NOSIP: variants seen among roughly 807,000 people sequenced by gnomAD.
The protein encoded by NOSIP is nitric oxide synthase interacting protein, also known as nitric oxide synthase-interacting protein.
NOSIP carries 25 observed loss-of-function variants against 36.4 expected under a neutral mutation model. The observed-to-expected ratio is 0.69, with a 90% CI of 0.50 to 0.96. NOSIP has a LOEUF of 0.96. NOSIP is among the 40% of genes least tolerant of loss of function. The pLI is 0.00. For missense variants in NOSIP, 370 were observed against 429.0 expected (o/e 0.86, Z 1.21); for synonymous variants, 187 against 179.2 (o/e 1.04, Z -0.35).
Position 49,555,842 on chromosome 19 carries a change from G to A in NOSIP, c.835-20C>T. 6.2e-7 allele frequency: 1 copy of A among 1,607,152 alleles called. No individual in the cohort carries two copies. Among genetic ancestry groups the A allele is most frequent in the Non-Finnish European group, 8.5e-7 (1 of 1,174,468 alleles). On this transcript the variant is annotated intron_variant, in intron 8 of 8. Transcript: ENST00000596358. ...ACCGCCCTGGGGGAGGTAGAGAGAA[G>A]GACGAGGTAGAGGCCGGCCCGGGGG...
At chr19:49,567,223 C>T (rs1211690804) in intron 1 of NOSIP, among the ~76,000 whole-genome samples, 3 of 148,772 alleles carry the variant, frequency 2.0e-5, no homozygotes, top group South Asian at 2.2e-4. Context: ...CCCGGGTTCA[C>T]GCCATTCTCC....
At chr19:49,575,839 G>A (rs964585990) in intron 1 of NOSIP, among the ~76,000 whole-genome samples, 3 of 152,056 alleles carry the variant, frequency 2.0e-5, no homozygotes. Flanking sequence ...ATGTAAAAAC[G>A]TTAAAAACCA....
At position 49,558,927 on chromosome 19, in the gene NOSIP, G is replaced by A; in HGVS notation, c.228C>T (p.His76=). The stretch of plus-strand genomic sequence containing the variant: ...TCTGCCGGGCAATCTCCTTCTTCTG[G>A]TGCAGAATGTACTCCAGGATGGCCT... ...EREAILEYIL[H]QKKEIARQMK... Residue 76 remains histidine (H), a synonymous_variant, in exon 4 of 9, where the codon CAC becomes CAT. Coordinates refer to ENST00000596358, the MANE Select transcript of NOSIP (RefSeq NM_001270960.2). 2 of 1,614,074 alleles carry A rather than the reference G, an allele frequency of 1.2e-6. No homozygotes were observed. The highest frequency in any genetic ancestry group is 4.5e-5 in the East Asian group (2 of 44,880).
At chr19:49,577,434 G>A (rs1369712567) in intron 1 of NOSIP, among the ~76,000 whole-genome samples, 1 of 152,146 alleles carries the variant, frequency 6.6e-6, no homozygotes, top group South Asian at 2.1e-4. Context: ...GCGCATGCCT[G>A]TAGCCCCAGC....
intron 1 of NOSIP, among the ~76,000 whole-genome samples, chr19:49,573,817 T>TG (rs2080516937): frequency 6.6e-6 from 1 of 151,358 alleles, no homozygotes; most frequent in African/African-American, 2.4e-5. Context: ...TATGTATGTA[T>TG]TTATTTTGGA....
intron 1 of NOSIP, among the ~76,000 whole-genome samples, chr19:49,578,878 C>T (rs979510387): frequency 7.9e-5 from 12 of 151,722 alleles, no homozygotes; most frequent in East Asian, 7.8e-4. Flanking sequence ...CCGCCTTGGC[C>T]TCCCAAAGTG....
chr19:49,574,318 C>A (rs1012292853), intron 1 of NOSIP, among the ~76,000 whole-genome samples: 3 of 152,112 alleles, frequency 2.0e-5, no homozygotes, highest in Non-Finnish European at 4.4e-5. Context: ...AAGACAAAAA[C>A]CAAATTATTC....
intron 1 of NOSIP, among the ~76,000 whole-genome samples, chr19:49,577,317 G>C (rs2080566269): frequency 6.6e-6 from 1 of 152,158 alleles, no homozygotes. Flanking sequence ...CCAGCACTTT[G>C]GGAGGCCAAA....
chr19:49,575,152 T>C (rs924683631), intron 1 of NOSIP, among the ~76,000 whole-genome samples: 65 of 152,180 alleles, frequency 4.3e-4, no homozygotes, highest in Non-Finnish European at 6.5e-4. Flanking sequence ...CGTGAGCCAC[T>C]GCGCCCGGCC....
At chr19:49,572,173 T>C (rs1226816872) in intron 1 of NOSIP, among the ~76,000 whole-genome samples, 8 of 150,414 alleles carry the variant, frequency 5.3e-5, no homozygotes, top group Non-Finnish European at 1.0e-4. Flanking sequence ...TGGTGTGATC[T>C]CGGCTCACTG....
intron 1 of NOSIP, among the ~76,000 whole-genome samples, chr19:49,562,821 A>C (rs1272975788): frequency 1.3e-5 from 2 of 152,142 alleles, no homozygotes; most frequent in Non-Finnish European, 1.5e-5. Flanking sequence ...TGCAGGTTGC[A>C]GGGAGTGGAG....
intron 4 of NOSIP, chr19:49,557,872 A>G: frequency 1.0e-6 from 1 of 987,902 alleles, no homozygotes; most frequent in Admixed American, 6.1e-5. Flanking sequence ...TAACAGTGAC[A>G]GTGATGGATG....
At chr19:49,556,528 C>T in intron 7 of NOSIP, 21 bp downstream of exon 7, 1 of 1,605,128 alleles carries the variant, frequency 6.2e-7, no homozygotes, top group Non-Finnish European at 8.5e-7. Flanking sequence ...GGTCCCTTCC[C>T]TCCCCTCCCA....
chr19:49,573,311 C>T (rs1454958296), intron 1 of NOSIP, among the ~76,000 whole-genome samples: 1 of 152,186 alleles, frequency 6.6e-6, no homozygotes, highest in Non-Finnish European at 1.5e-5. Flanking sequence ...CTCCTTTCTC[C>T]TCCAGAGCAC....
chr19:49,569,045 C>A (rs2080449885), intron 1 of NOSIP, among the ~76,000 whole-genome samples: 1 of 151,698 alleles, frequency 6.6e-6, no homozygotes, highest in Non-Finnish European at 1.5e-5. Context: ...TCGTGATCTG[C>A]CCGCCTTGGC....
At chr19:49,576,434 G>A (rs560414930) in intron 1 of NOSIP, among the ~76,000 whole-genome samples, 28 of 151,968 alleles carry the variant, frequency 1.8e-4, no homozygotes, top group Non-Finnish European at 2.9e-4. Flanking sequence ...AAAATTAGCC[G>A]GGCATAGTGG....
intron 1 of NOSIP, among the ~76,000 whole-genome samples, chr19:49,564,453 CAAAA>C (rs1011453088): frequency 2.3e-5 from 1 of 42,558 alleles, no homozygotes; most frequent in African/African-American, 8.3e-5. Flanking sequence ...GACTCCATCT[CAAAA>C]AAAAAAAAAA....
At chr19:49,568,874 C>T (rs564744454) in intron 1 of NOSIP, among the ~76,000 whole-genome samples, 5 of 149,040 alleles carry the variant, frequency 3.4e-5, no homozygotes, top group Admixed American at 3.3e-4. Context: ...GCAATCTCGG[C>T]TCACTGCAAC....
intron 1 of NOSIP, among the ~76,000 whole-genome samples, chr19:49,577,155 G>C (rs574238591): frequency 6.6e-6 from 1 of 152,280 alleles, no homozygotes; most frequent in Admixed American, 6.6e-5. Context: ...TTATACATTG[G>C]TGGTAGAAAT....
Sources: gnomAD v4.1 joint callset for allele counts (sites outside exome capture counted in the v4.1 genomes callset) on GRCh38, gnomAD v4.1.1 for gene constraint, MANE v1.5 for transcripts, NCBI Gene and HGNC (gene_info 2026-07-23, HGNC 2026-07-21) for gene names.